Variants in NDUFAF2 observed in about 807,000 individuals in gnomAD.
NDUFAF2 encodes NADH dehydrogenase [ubiquinone] 1 alpha subcomplex assembly factor 2.
NDUFAF2 carries 13 observed loss-of-function variants against 22.8 expected under a neutral mutation model. That is an observed-to-expected ratio of 0.57 (90% CI 0.37 to 0.91). The LOEUF (loss-of-function observed/expected upper bound fraction) is 0.91. NDUFAF2 is among the 40% of genes least tolerant of loss of function. NDUFAF2 has a pLI of 0.01. For missense variants in NDUFAF2, 162 were observed against 195.2 expected, an observed-to-expected ratio of 0.83 and a Z score of 1.01; for synonymous variants, 53 against 64.2, an observed-to-expected ratio of 0.83 and a Z score of 0.84.
rs114849934 is a variant in NDUFAF2 at position 61,099,840 on chromosome 5, A to G, written c.258+808A>G. ...TTCTGTTGCCTATTCTGTCACTACT[A>G]CAAGCCCTGATGACAACATAAATGG... On this transcript the variant is annotated intron_variant, in intron 3 of 3. Transcript: ENST00000296597. Among the ~76,000 whole-genome samples, 1,096 of 152,108 alleles carry G rather than the reference A, an allele frequency of 7.2e-3. 10 individuals are homozygous for G. The highest frequency in any genetic ancestry group is 0.025 in the African/African-American group (1,054 of 41,504).
chr5:61,136,039 A>ATATATATATATATATATC (rs1367597510), intron 3 of NDUFAF2, among the ~76,000 whole-genome samples: 1 of 103,390 alleles, frequency 9.7e-6, no homozygotes, highest in African/African-American at 3.7e-5. Flanking sequence ...ATATATATAT[A>ATATATATATATATATATC]TATCTAGGGT....
intron 3 of NDUFAF2, among the ~76,000 whole-genome samples, chr5:61,151,469 G>T (rs777662222): frequency 3.1e-4 from 47 of 151,950 alleles, no homozygotes; most frequent in Non-Finnish European, 5.9e-5. Context: ...CACACATTTA[G>T]AAATGCATTG....
intron 1 of NDUFAF2, among the ~76,000 whole-genome samples, chr5:61,046,909 C>T (rs1277830217): frequency 2.0e-5 from 3 of 152,076 alleles, no homozygotes; most frequent in Non-Finnish European, 4.4e-5. Flanking sequence ...CATATTTGTT[C>T]CCCACCCACC....
chr5:61,110,003 T>G (rs1324608474), intron 3 of NDUFAF2, among the ~76,000 whole-genome samples: 1 of 152,212 alleles, frequency 6.6e-6, no homozygotes, highest in Non-Finnish European at 1.5e-5. Flanking sequence ...ATACTCAGTG[T>G]GTTAAAGGTT....
At chr5:60,992,313 A>G (rs1418029416) in intron 1 of NDUFAF2, among the ~76,000 whole-genome samples, 1 of 152,004 alleles carries the variant, frequency 6.6e-6, no homozygotes, top group Admixed American at 6.6e-5. Flanking sequence ...ACGTGATCCC[A>G]TTTGTCCATT....
intron 1 of NDUFAF2, among the ~76,000 whole-genome samples, chr5:61,059,763 G>T (rs915803034): frequency 6.6e-6 from 1 of 151,988 alleles, no homozygotes; most frequent in Non-Finnish European, 1.5e-5. Flanking sequence ...AAGCTTATCT[G>T]TAAGACTTCT....
At chr5:61,113,642 C>A (rs1239637817) in intron 3 of NDUFAF2, among the ~76,000 whole-genome samples, 2 of 152,098 alleles carry the variant, frequency 1.3e-5, no homozygotes, top group Admixed American at 1.3e-4. Context: ...CTTCTTCCTG[C>A]CATCATGTGA....
chr5:61,117,623 T>C (rs917909183), intron 3 of NDUFAF2, among the ~76,000 whole-genome samples: 9 of 152,234 alleles, frequency 5.9e-5, no homozygotes, highest in Non-Finnish European at 1.0e-4. Context: ...CCCATAGTGC[T>C]GGGATTATAG....
chr5:61,145,391 CACAA>C (rs1245940126), intron 3 of NDUFAF2, among the ~76,000 whole-genome samples: 3 of 152,232 alleles, frequency 2.0e-5, no homozygotes, highest in South Asian at 2.1e-4. Flanking sequence ...TCTAATCCTT[CACAA>C]ACAATGATAA....
At chr5:61,052,166 G>A (rs1481932817) in intron 1 of NDUFAF2, among the ~76,000 whole-genome samples, 1 of 148,232 alleles carries the variant, frequency 6.7e-6, no homozygotes, top group East Asian at 1.9e-4. Flanking sequence ...GTCCAGAAAA[G>A]GAAACAGTTG....
chr5:61,024,567 T>G (rs1478940970), intron 1 of NDUFAF2, among the ~76,000 whole-genome samples: 1 of 152,038 alleles, frequency 6.6e-6, no homozygotes, highest in Non-Finnish European at 1.5e-5. Context: ...TTATCACTGT[T>G]TTACTGTTGA....
intron 1 of NDUFAF2, among the ~76,000 whole-genome samples, chr5:60,990,225 A>G (rs1279395919): frequency 6.6e-6 from 1 of 152,070 alleles, no homozygotes; most frequent in African/African-American, 2.4e-5. Context: ...CTAGTATTTG[A>G]TAGCAAAATA....
intron 3 of NDUFAF2, among the ~76,000 whole-genome samples, chr5:61,141,422 C>G (rs1300020677): frequency 6.6e-6 from 1 of 151,936 alleles, no homozygotes. Flanking sequence ...TTAACTCAAT[C>G]CTTGGCACTT....
chr5:61,041,021 A>G (rs1283228568), intron 1 of NDUFAF2, among the ~76,000 whole-genome samples: 1 of 152,192 alleles, frequency 6.6e-6, no homozygotes, highest in Non-Finnish European at 1.5e-5. Flanking sequence ...CACAGCTGAA[A>G]ATAACTGCTT....
intron 1 of NDUFAF2, among the ~76,000 whole-genome samples, chr5:61,014,933 A>G (rs1275311076): frequency 6.6e-6 from 1 of 152,214 alleles, no homozygotes; most frequent in Non-Finnish European, 1.5e-5. Context: ...TCTTAACTAT[A>G]TATAGGGAGA....
chr5:61,107,180 G>A (rs952802522), intron 3 of NDUFAF2, among the ~76,000 whole-genome samples: 22 of 150,790 alleles, frequency 1.5e-4, no homozygotes, highest in Admixed American at 1.3e-3. Context: ...CATGGTGGTT[G>A]TACTAATTTA....
intron 1 of NDUFAF2, among the ~76,000 whole-genome samples, chr5:60,955,926 T>TC (rs1490965323): frequency 1.3e-5 from 2 of 151,742 alleles, no homozygotes. Context: ...TTTGTTTTTT[T>TC]TTTTTTGAGA....
chr5:60,981,284 A>G (rs2694531), intron 1 of NDUFAF2, among the ~76,000 whole-genome samples: 96,637 of 152,002 alleles, frequency 0.64, 31,155 homozygotes, highest in East Asian at 0.94. Context: ...GTGGCATGAC[A>G]TATTTAACAT....
At chr5:61,003,367 C>A (rs1203954025) in intron 1 of NDUFAF2, among the ~76,000 whole-genome samples, 1 of 151,918 alleles carries the variant, frequency 6.6e-6, no homozygotes, top group Non-Finnish European at 1.5e-5. Flanking sequence ...AAAAATGTTT[C>A]TTTTTTATTA....
Sources: allele counts gnomAD v4.1 joint callset (sites outside exome capture counted in the v4.1 genomes callset), GRCh38; gene constraint gnomAD v4.1.1; transcripts MANE v1.5; gene names NCBI Gene and HGNC (gene_info 2026-07-23, HGNC 2026-07-21).